The following PPP1R9A variants were observed in gnomAD, a reference collection of about 807,000 sequenced individuals.
PPP1R9A encodes neurabin-1.
A neutral mutation model predicts 141.9 loss-of-function variants in PPP1R9A; 59 were observed. The observed-to-expected ratio is 0.42, with a 90% CI of 0.34 to 0.52. The LOEUF is 0.52. PPP1R9A is among the 20% of genes least tolerant of loss of function. PPP1R9A has a pLI of 0.10. For missense variants in PPP1R9A, 1,444 were observed against 1,611.9 expected, an observed-to-expected ratio of 0.90 and a Z score of 1.78; for synonymous variants, 500 against 569.7, an observed-to-expected ratio of 0.88 and a Z score of 1.74.
chr7:94,986,133 G>T (rs1056088440), intron 2 of PPP1R9A, among the ~76,000 whole-genome samples: 1 of 152,032 alleles, frequency 6.6e-6, no homozygotes, highest in African/African-American at 2.4e-5. Context: ...TTCTTTCAAG[G>T]TTGTGTTATA....
chr7:95,028,631 A>G (rs1037650067), intron 2 of PPP1R9A, among the ~76,000 whole-genome samples: 2 of 152,242 alleles, frequency 1.3e-5, no homozygotes, highest in East Asian at 1.9e-4. Context: ...AATGTGGAGC[A>G]TAAGTGGGGA....
intron 2 of PPP1R9A, among the ~76,000 whole-genome samples, chr7:95,046,266 A>G (rs1002333290): frequency 1.3e-5 from 2 of 151,998 alleles, no homozygotes; most frequent in African/African-American, 4.8e-5. Context: ...TTTTTAGTAC[A>G]GATGGGGTTT....
At chr7:95,114,935 C>A (rs533048213) in intron 3 of PPP1R9A, among the ~76,000 whole-genome samples, 2 of 147,554 alleles carry the variant, frequency 1.4e-5, no homozygotes, top group South Asian at 4.3e-4. Flanking sequence ...AAAACCTTTA[C>A]TCAGAGGAAA....
intron 2 of PPP1R9A, among the ~76,000 whole-genome samples, chr7:95,108,122 C>T (rs1819825270): frequency 6.6e-6 from 1 of 151,826 alleles, no homozygotes; most frequent in African/African-American, 2.4e-5. Context: ...TGTTAAAGCT[C>T]TTGGATTTTC....
At chr7:94,955,248 ATCTGATTCCTGTTGT>A (rs1219468447) in intron 2 of PPP1R9A, among the ~76,000 whole-genome samples, 2 of 152,110 alleles carry the variant, frequency 1.3e-5, no homozygotes, top group African/African-American at 2.4e-5. Context: ...ATAGCACACT[ATCTGATTCCTGTTGT>A]TCAAAAGAAA....
intron 2 of PPP1R9A, among the ~76,000 whole-genome samples, chr7:94,969,673 T>G (rs556903625): frequency 2.6e-4 from 40 of 152,284 alleles, no homozygotes; most frequent in Admixed American, 2.2e-3. Context: ...GCTTAAGCAC[T>G]GTGCTGGGAG....
chr7:95,248,442 T>C (rs1276818601), intron 9 of PPP1R9A, among the ~76,000 whole-genome samples: 1 of 152,090 alleles, frequency 6.6e-6, no homozygotes, highest in East Asian at 1.9e-4. Flanking sequence ...AAAATACGAC[T>C]ATACATCATT....
chr7:95,181,603 T>C (rs1266511367), intron 5 of PPP1R9A, among the ~76,000 whole-genome samples: 1 of 140,002 alleles, frequency 7.1e-6, no homozygotes, highest in African/African-American at 2.6e-5. Context: ...AATATATATA[T>C]TCTGTCACAC....
intron 16 of PPP1R9A, among the ~76,000 whole-genome samples, chr7:95,275,950 G>A (rs1803105569): frequency 6.6e-6 from 1 of 152,158 alleles, no homozygotes. Flanking sequence ...GAAAATAAAG[G>A]TAAATCTGAG....
intron 2 of PPP1R9A, among the ~76,000 whole-genome samples, chr7:95,047,994 A>C (rs1268520151): frequency 6.6e-6 from 1 of 152,204 alleles, no homozygotes; most frequent in Non-Finnish European, 1.5e-5. Context: ...CTTTAATTAT[A>C]CTTTCCCAAG....
At chr7:94,979,690 C>A (rs554413206) in intron 2 of PPP1R9A, among the ~76,000 whole-genome samples, 1 of 152,134 alleles carries the variant, frequency 6.6e-6, no homozygotes, top group Non-Finnish European at 1.5e-5. Context: ...AGGGGAAACA[C>A]CAAATTCTGT....
intron 7 of PPP1R9A, 98 bp from the exon 8 acceptor site, chr7:95,225,863 G>A: frequency 7.9e-7 from 1 of 1,269,052 alleles, no homozygotes; most frequent in Non-Finnish European, 1.1e-6. Flanking sequence ...TTTACCATTT[G>A]GGTACATGTC....
At chr7:95,167,785 G>C (rs1312159186) in intron 5 of PPP1R9A, among the ~76,000 whole-genome samples, 4 of 151,192 alleles carry the variant, frequency 2.6e-5, no homozygotes, top group Admixed American at 6.6e-5. Context: ...AAGAACACAA[G>C]AAGACAACCA....
intron 2 of PPP1R9A, among the ~76,000 whole-genome samples, chr7:95,048,765 T>G (rs561632041): frequency 2.6e-5 from 4 of 152,222 alleles, no homozygotes; most frequent in South Asian, 4.1e-4. Flanking sequence ...CAGGCTGGTC[T>G]CAAACTCCTG....
chr7:95,003,292 A>G lies in PPP1R9A; in HGVS notation c.1395+91784A>G, dbSNP rs10277304. Among the ~76,000 whole-genome samples, 1,511 of 152,280 alleles carry G rather than the reference A, an allele frequency of 9.9e-3. 22 individuals are homozygous for G. The highest frequency in any genetic ancestry group is 0.034 in the African/African-American group (1,430 of 41,548). On this transcript the variant is annotated intron_variant, in intron 2 of 19. Transcript: ENST00000433360. ...CACGTCTCCATTAATATGAAGAATC[A>G]TGCATAAAATGTAGTCCATGCTTAT...
intron 5 of PPP1R9A, among the ~76,000 whole-genome samples, chr7:95,167,661 C>T (rs185694253): frequency 3.5e-4 from 54 of 152,184 alleles, no homozygotes; most frequent in African/African-American, 8.9e-4. Context: ...GAAGACTCCA[C>T]GAGAAAACTC....
At chr7:95,114,531 A>G (rs1443607381) in intron 3 of PPP1R9A, among the ~76,000 whole-genome samples, 1 of 152,254 alleles carries the variant, frequency 6.6e-6, no homozygotes, top group African/African-American at 2.4e-5. Context: ...TGCTTTAAAC[A>G]TAATGTTTTG....
At chr7:95,020,873 A>G (rs1045057340) in intron 2 of PPP1R9A, among the ~76,000 whole-genome samples, 1 of 152,192 alleles carries the variant, frequency 6.6e-6, no homozygotes, top group Non-Finnish European at 1.5e-5. Context: ...CCAGTCTGTC[A>G]TTGCTGGGCA....
intron 8 of PPP1R9A, among the ~76,000 whole-genome samples, chr7:95,236,590 C>A (rs1290112269): frequency 6.7e-6 from 1 of 148,936 alleles, no homozygotes; most frequent in East Asian, 2.0e-4. Context: ...CTTTTATATT[C>A]TTTCTTCTCT....
Sources: gnomAD v4.1 joint callset for allele counts (sites outside exome capture counted in the v4.1 genomes callset) on GRCh38, gnomAD v4.1.1 for gene constraint, MANE v1.5 for transcripts, NCBI Gene and HGNC (gene_info 2026-07-23, HGNC 2026-07-21) for gene names.